Variants in DNAH17 observed in about 807,000 individuals in gnomAD.
DNAH17 encodes the protein axonemal beta dynein heavy chain 17.
In DNAH17, 376 loss-of-function variants were observed where a neutral mutation model predicts 485.6. The ratio of observed to expected loss-of-function variants is 0.77; its 90% CI spans 0.71 to 0.84. The LOEUF (loss-of-function observed/expected upper bound fraction) is 0.84. DNAH17 is among the 40% of genes least tolerant of loss of function. DNAH17 has a pLI of 0.00. For missense variants in DNAH17, 6,370 were observed against 5,839.3 expected (o/e 1.09, Z -2.96); for synonymous variants, 3,031 against 2,405.9 (o/e 1.26, Z -7.60).
rs760156744 is a variant in DNAH17, at chr17:78,423,875, C to T, written c.*31G>A. On this transcript the variant is annotated 3_prime_UTR_variant, in exon 81 of 81. Coordinates refer to ENST00000389840, the MANE Select transcript of DNAH17 (RefSeq NM_173628.4). ...GAAGGGCTGAGTTGTGGTCCAGCCC[C>T]AGGGAGTGTGGGCTGTGAGGCAGGA... 1.2e-6 allele frequency: 2 copies of T among 1,611,860 alleles called. No homozygotes were observed. The highest frequency in any genetic ancestry group is 2.2e-5 in the South Asian group (2 of 90,784).
intron 16 of DNAH17, among the ~76,000 whole-genome samples, chr17:78,547,425 A>G (rs1045704352): frequency 6.6e-6 from 1 of 152,244 alleles, no homozygotes; most frequent in Middle Eastern, 3.4e-3. Context: ...TGTGTGGGCT[A>G]CCTGCTTGGT....
chr17:78,501,653 G>C, intron 34 of DNAH17, 89 bp downstream of exon 34: 7 of 1,506,170 alleles, frequency 4.6e-6, no homozygotes, highest in Non-Finnish European at 6.3e-6. Flanking sequence ...GGAAGAGGAA[G>C]TGGCAGGGTC....
chr17:78,486,646 G>A (rs1301934030), intron 44 of DNAH17, 140 bp from the exon 45 acceptor site: 4 of 1,117,810 alleles, frequency 3.6e-6, no homozygotes, highest in African/African-American at 1.6e-5. Context: ...ATGGCAATGG[G>A]TCCAAACGAG....
rs926134965 is a variant in DNAH17 at position 78,470,761 on chromosome 17, A to T, written c.8512-1878T>A. Among the ~76,000 whole-genome samples the T allele has an allele frequency of 7.9e-5, 12 of 152,292 alleles. No individual in the cohort carries two copies. In the East Asian group the frequency reaches 2.3e-3, roughly 29 times the overall value. ...TATATTTTACCACATATGCAAAAGG[A>T]AAGAAAAAAATCTTAAATGGAGACC... On this transcript the variant is annotated intron_variant, in intron 54 of 80. Transcript: ENST00000389840.
At chr17:78,486,690 G>T (rs1436918307) in intron 44 of DNAH17, among the ~76,000 whole-genome samples, 184 bp from the exon 45 acceptor site, 9 of 152,220 alleles carry the variant, frequency 5.9e-5, no homozygotes, top group Non-Finnish European at 1.2e-4. Flanking sequence ...GCCCTGAAAG[G>T]GTCGGAGGAG....
chr17:78,501,684 C>T, intron 34 of DNAH17, 58 bp downstream of exon 34: 1 of 1,592,322 alleles, frequency 6.3e-7, no homozygotes. Context: ...GAATGCACTG[C>T]CCTGAACCCG....
In DNAH17 at chr17:78,494,674, G is replaced by A. The variant is rs1272405739; in HGVS notation, c.6189C>T (p.Asp2063=). 5.6e-6 allele frequency: 9 copies of A among 1,613,872 alleles called. No homozygotes were observed. Among genetic ancestry groups the A allele is most frequent in the African/African-American group, 1.3e-5 (1 of 74,948 alleles). The change falls in exon 40 of 81, where the codon GAC becomes GAT. Residue 2063 remains aspartate, a synonymous_variant. Coordinates refer to ENST00000389840, the MANE Select transcript of DNAH17 (RefSeq NM_173628.4). ...CGATCAGTCCCATGAATACGGGCAG[G>A]TCGTCTGTCACAATCTTGGGGATGT... The part of the protein sequence containing the change: ...DFNIPKIVTD[D]LPVFMGLIGD...
intron 42 of DNAH17, among the ~76,000 whole-genome samples, chr17:78,492,069 G>C (rs191059993): frequency 6.6e-6 from 1 of 152,232 alleles, no homozygotes; most frequent in Admixed American, 6.5e-5. Flanking sequence ...TCAGGGGTAG[G>C]GCCACTTCTG....
In DNAH17 at chr17:78,540,574, C is replaced by T. The variant is rs957440984; in HGVS notation, c.2533-694G>A. ...GGGTGGCCGAGTGGATGGATGGGTA[C>T]GTGGCTGGATAAGTGGGGTGGGTGA... On this transcript the variant is annotated intron_variant, in intron 17 of 80. Transcript: ENST00000389840. Among the ~76,000 whole-genome samples, 25 of 97,308 alleles carry T rather than the reference C, an allele frequency of 2.6e-4. 3 individuals carry two copies. In the South Asian group the frequency reaches 9.3e-3, roughly 36 times the overall value. 63.8% of individuals were successfully genotyped at this position (97,308 alleles called of 152,430 possible).
intron 6 of DNAH17, 79 bp from the exon 7 acceptor site, chr17:78,570,451 C>A: frequency 6.6e-7 from 1 of 1,510,030 alleles, no homozygotes; most frequent in Non-Finnish European, 8.9e-7. Context: ...CTTCCCTTCC[C>A]ATGGCTCTCA....
Position 78,484,739 on chromosome 17 carries a change from A to ACCCCCCCTGCCCCCCCCCC in DNAH17, c.7649+128_7649+129insGGGGGGGGGGCAGGGGGGG. ...CGTGTCTCCCTACCCACGTTGCAGC[A>ACCCCCCCTGCCCCCCCCCC]CCCCCCCCACCGCCCCACACCAGTC... On this transcript the variant is annotated intron_variant, in intron 48 of 80. Coordinates refer to ENST00000389840, the MANE Select transcript of DNAH17 (RefSeq NM_173628.4). 4 of 347,798 alleles carry ACCCCCCCTGCCCCCCCCCC rather than the reference A, an allele frequency of 1.2e-5. 1 individual carries two copies. The highest frequency in any genetic ancestry group is 4.2e-5 in the South Asian group (1 of 23,678). The allele number at this position is 347,798 out of a possible 1,614,324, so 21.5% of individuals were successfully genotyped here. A position where few individuals can be genotyped will look rare whatever the true frequency, so the allele number is the denominator to read the frequency against.
At chr17:78,432,033 A>C (rs1440410343) in intron 75 of DNAH17, among the ~76,000 whole-genome samples, 1 of 151,730 alleles carries the variant, frequency 6.6e-6, no homozygotes, top group Non-Finnish European at 1.5e-5. Context: ...CAAAAACAAA[A>C]AAAACCTGGC....
chr17:78,472,902 C>T (rs2088830893), intron 54 of DNAH17: 12 of 322,538 alleles, frequency 3.7e-5, no homozygotes, highest in South Asian at 2.2e-4. Context: ...CTACCACATC[C>T]TGCCCGCTCT....
intron 26 of DNAH17, among the ~76,000 whole-genome samples, chr17:78,512,760 G>A (rs2090667479): frequency 6.6e-6 from 1 of 152,032 alleles, no homozygotes; most frequent in Non-Finnish European, 1.5e-5. Flanking sequence ...TGGCCAAGGT[G>A]AAACCCTGTC....
At position 78,514,798 on chromosome 17, in the gene DNAH17, C is replaced by G. The variant is rs776198841; in HGVS notation, c.4089G>C (p.Trp1363Cys). The G allele has an allele frequency of 1.5e-5, 24 of 1,613,866 alleles. No individual in the cohort carries two copies. In the South Asian group the frequency reaches 2.5e-4, roughly 17 times the overall value. The part of the protein sequence containing the change: ...LQNPAIRERH[W>C]QQLMQATQVK... Reference sequence around the variant, plus strand: ...CCTGGGTGGCCTGCATGAGCTGCTGCCAGTGGCGTTCCCGAATGGCAGGGT... The same window carrying G: ...CCTGGGTGGCCTGCATGAGCTGCTGGCAGTGGCGTTCCCGAATGGCAGGGT... Residue 1363 changes from tryptophan to cysteine, a missense_variant, in exon 26 of 81, where the codon TGG becomes TGC. Transcript: ENST00000389840.
intron 48 of DNAH17, among the ~76,000 whole-genome samples, chr17:78,483,736 G>C (rs2089454989): frequency 1.3e-5 from 2 of 152,166 alleles, no homozygotes; most frequent in African/African-American, 4.8e-5. Context: ...CTCGGCATGA[G>C]GCCAGGCTTC....
At chr17:78,499,455 G>C (rs1302807998) in intron 36 of DNAH17, 1 of 166,740 alleles carries the variant, frequency 6.0e-6, no homozygotes, top group Non-Finnish European at 1.3e-5. Context: ...GGAGAGGAGA[G>C]GGAGTCCTCT....
Position 78,576,824 on chromosome 17 carries a change from T to C in DNAH17, c.-26+471A>G, listed in dbSNP as rs533756728. 1.2e-3 allele frequency among the ~76,000 whole-genome samples: 180 copies of C among 152,330 alleles called. 1 individual carries two copies. The highest frequency in any genetic ancestry group is 6.4e-3 in the East Asian group (33 of 5,184). On this transcript the variant is annotated intron_variant, in intron 1 of 80. Coordinates refer to ENST00000389840, the MANE Select transcript of DNAH17 (RefSeq NM_173628.4). The stretch of plus-strand genomic sequence containing the variant: ...TAACATGTGTGGGCTGAGGGGCCCC[T>C]ACACCCCGCAAGTTTCTTGCACGAT...
chr17:78,530,632 C>T, intron 20 of DNAH17, 120 bp from the exon 21 acceptor site: 1 of 1,247,782 alleles, frequency 8.0e-7, no homozygotes, highest in East Asian at 2.4e-5. Flanking sequence ...GCCGGCCACT[C>T]TGGGGCCAGG....
Sources: allele counts gnomAD v4.1 joint callset (sites outside exome capture counted in the v4.1 genomes callset), GRCh38; gene constraint gnomAD v4.1.1; transcripts MANE v1.5; gene names NCBI Gene and HGNC (gene_info 2026-07-23, HGNC 2026-07-21).